The following RPRD2 variants were observed in gnomAD, a reference collection of about 807,000 sequenced individuals.
RPRD2 encodes the protein regulation of nuclear pre-mRNA domain-containing protein 2.
Under a neutral mutation model 104.4 loss-of-function variants are expected in RPRD2, and 12 were observed. That is an observed-to-expected ratio of 0.11 (90% CI 0.07 to 0.19). The LOEUF is 0.19. Among genes scored for constraint, RPRD2 ranks in the 10% least tolerant of loss-of-function variants. The probability of loss-of-function intolerance (pLI) is 1.00; values close to 1 mark genes in which losing one functional copy is unlikely to be tolerated. For missense variants in RPRD2, 1,543 were observed against 1,790.1 expected (o/e 0.86, Z 2.49); for synonymous variants, 714 against 684.9 (o/e 1.04, Z -0.66).
chr1:150,387,076 T>C (rs1661619771), intron 1 of RPRD2, among the ~76,000 whole-genome samples: 1 of 152,230 alleles, frequency 6.6e-6, no homozygotes, highest in South Asian at 2.1e-4. Flanking sequence ...ATTCATGACA[T>C]ACCTAATTTT....
Sources: allele counts gnomAD v4.1 joint callset (sites outside exome capture counted in the v4.1 genomes callset), GRCh38; gene constraint gnomAD v4.1.1; transcripts MANE v1.5; gene names NCBI Gene and HGNC (gene_info 2026-07-23, HGNC 2026-07-21).